Variants in KLHL1 observed in about 807,000 individuals in gnomAD.
KLHL1 encodes kelch like family member 1.
In KLHL1, 47 loss-of-function variants were observed where a neutral mutation model predicts 77.7. The ratio of observed to expected loss-of-function variants is 0.60; its 90% CI spans 0.48 to 0.77. The LOEUF (loss-of-function observed/expected upper bound fraction) is 0.77, where lower values mean the gene tolerates loss of function less well. Ranked by LOEUF, KLHL1 falls within the 30% of genes least tolerant of loss-of-function variation. KLHL1 has a pLI of 0.00. For synonymous variants in KLHL1, 360 were observed against 325.2 expected (o/e 1.11, Z -1.15); for missense variants, 925 against 910.8 (o/e 1.02, Z -0.20).
At chr13:69,947,822 A>G (rs1020757392) in intron 3 of KLHL1, among the ~76,000 whole-genome samples, 1 of 152,140 alleles carries the variant, frequency 6.6e-6, no homozygotes, top group African/African-American at 2.4e-5. Flanking sequence ...ACCTAGATGT[A>G]AAAAGGCAAA....
chr13:69,828,990 C>T (rs777246641), intron 6 of KLHL1, among the ~76,000 whole-genome samples: 7 of 150,366 alleles, frequency 4.7e-5, no homozygotes, highest in Admixed American at 6.6e-5. Context: ...AAATGAAAGA[C>T]GTAATCTCTT....
chr13:70,044,298 A>C (rs1259798714), intron 1 of KLHL1, among the ~76,000 whole-genome samples: 1 of 152,194 alleles, frequency 6.6e-6, no homozygotes, highest in Non-Finnish European at 1.5e-5. Context: ...GCATATTGCC[A>C]TCTTGAATTT....
chr13:70,018,747 G>C (rs1459198453), intron 1 of KLHL1, among the ~76,000 whole-genome samples: 1 of 150,850 alleles, frequency 6.6e-6, no homozygotes, highest in Non-Finnish European at 1.5e-5. Flanking sequence ...TTTCCTTAAA[G>C]TAGATAATTG....
At chr13:69,786,921 T>C (rs539620687) in intron 7 of KLHL1, among the ~76,000 whole-genome samples, 1 of 152,124 alleles carries the variant, frequency 6.6e-6, no homozygotes, top group East Asian at 1.9e-4. Context: ...TCAAAGAGAA[T>C]AAAATACCTA....
At chr13:69,845,621 T>G (rs185772571) in intron 5 of KLHL1, among the ~76,000 whole-genome samples, 1 of 151,588 alleles carries the variant, frequency 6.6e-6, no homozygotes, top group African/African-American at 2.4e-5. Flanking sequence ...CCTGACAAAA[T>G]TTCAAGTACA....
At chr13:69,849,934 TAC>T (rs1445506326) in intron 5 of KLHL1, among the ~76,000 whole-genome samples, 1 of 151,498 alleles carries the variant, frequency 6.6e-6, no homozygotes, top group East Asian at 1.9e-4. Flanking sequence ...ATTCAATGCA[TAC>T]GTTAATAATA....
chr13:69,925,347 T>A (rs781405958), intron 4 of KLHL1, among the ~76,000 whole-genome samples: 2 of 152,182 alleles, frequency 1.3e-5, no homozygotes, highest in Non-Finnish European at 2.9e-5. Flanking sequence ...ACAGTTAATA[T>A]AATATATGTA....
intron 4 of KLHL1, among the ~76,000 whole-genome samples, chr13:69,934,971 T>TGTATATATATAC (rs1883128043): frequency 7.6e-6 from 1 of 131,836 alleles, no homozygotes; most frequent in Admixed American, 7.2e-5. Flanking sequence ...TGTATATATA[T>TGTATATATATAC]ATATATATAT....
At chr13:69,727,932 C>T (rs1873374717) in intron 8 of KLHL1, among the ~76,000 whole-genome samples, 1 of 151,746 alleles carries the variant, frequency 6.6e-6, no homozygotes, top group Admixed American at 6.6e-5. Context: ...CCCTGCCAAA[C>T]TTAAATTTTG....
chr13:69,824,648 G>A (rs534209275), intron 6 of KLHL1, among the ~76,000 whole-genome samples: 9 of 150,304 alleles, frequency 6.0e-5, no homozygotes, highest in African/African-American at 2.2e-4. Flanking sequence ...TTAGATAAAA[G>A]ACTACAAAAT....
intron 1 of KLHL1, among the ~76,000 whole-genome samples, chr13:70,088,815 A>T (rs1279283727): frequency 1.3e-5 from 2 of 152,176 alleles, no homozygotes; most frequent in African/African-American, 2.4e-5. Flanking sequence ...TCATGTACAT[A>T]TGAAAAAGAA....
intron 1 of KLHL1, among the ~76,000 whole-genome samples, chr13:70,097,592 A>G (rs1338650673): frequency 1.3e-5 from 2 of 152,026 alleles, no homozygotes; most frequent in African/African-American, 4.8e-5. Flanking sequence ...TTTATGTAGA[A>G]TCTATACTTT....
At chr13:69,806,146 T>C (rs937628833) in intron 6 of KLHL1, among the ~76,000 whole-genome samples, 3 of 152,190 alleles carry the variant, frequency 2.0e-5, no homozygotes, top group Non-Finnish European at 4.4e-5. Context: ...AAATCTAAGA[T>C]AATTTGTTAT....
At chr13:70,085,048 C>A (rs757231528) in intron 1 of KLHL1, among the ~76,000 whole-genome samples, 4 of 151,940 alleles carry the variant, frequency 2.6e-5, no homozygotes, top group Non-Finnish European at 2.9e-5. Flanking sequence ...AATGAAGATG[C>A]TAAAATCATA....
chr13:69,778,381 C>T (rs1310856969), intron 7 of KLHL1, among the ~76,000 whole-genome samples: 1 of 152,022 alleles, frequency 6.6e-6, no homozygotes, highest in Non-Finnish European at 1.5e-5. Flanking sequence ...TTTAAAGGGC[C>T]AGTTTTCTAA....
chr13:69,867,941 A>G (rs1292522965), intron 5 of KLHL1, among the ~76,000 whole-genome samples: 3 of 152,078 alleles, frequency 2.0e-5, no homozygotes, highest in Admixed American at 6.6e-5. Context: ...AACATGAAAC[A>G]TGTATACATA....
chr13:69,702,393 A>C (rs1172764510), intron 10 of KLHL1, among the ~76,000 whole-genome samples: 1 of 151,750 alleles, frequency 6.6e-6, no homozygotes, highest in Admixed American at 6.6e-5. Flanking sequence ...ATTTTTACAG[A>C]GTTTGTAATG....
chr13:69,824,357 GT>G (rs1237538424), intron 6 of KLHL1, among the ~76,000 whole-genome samples: 1 of 152,030 alleles, frequency 6.6e-6, no homozygotes, highest in Non-Finnish European at 1.5e-5. Flanking sequence ...TATTGACACA[GT>G]TCCCAAAAAG....
intron 1 of KLHL1, among the ~76,000 whole-genome samples, chr13:69,982,353 TTGA>T (rs1479860721): frequency 6.6e-6 from 1 of 150,854 alleles, no homozygotes; most frequent in East Asian, 2.0e-4. Context: ...GGAGAATTGC[TTGA>T]ACCCGAAAGG....
Sources: gnomAD v4.1 joint callset for allele counts (sites outside exome capture counted in the v4.1 genomes callset) on GRCh38, gnomAD v4.1.1 for gene constraint, MANE v1.5 for transcripts, NCBI Gene and HGNC (gene_info 2026-07-23, HGNC 2026-07-21) for gene names.